Variants in SLC6A2 observed in about 807,000 individuals in gnomAD.
SLC6A2 encodes the protein sodium-dependent noradrenaline transporter.
Under a neutral mutation model 71.7 loss-of-function variants are expected in SLC6A2, and 26 were observed. The ratio of observed to expected loss-of-function variants is 0.36; its 90% confidence interval spans 0.27 to 0.50. The LOEUF (loss-of-function observed/expected upper bound fraction) is 0.50. Ranked by LOEUF, SLC6A2 falls within the 20% of genes least tolerant of loss-of-function variation. SLC6A2 has a pLI of 0.96. For missense variants in SLC6A2, 581 were observed against 803.9 expected (o/e 0.72, Z 3.35); for synonymous variants, 363 against 337.9 (o/e 1.07, Z -0.82).
intron 2 of SLC6A2, among the ~76,000 whole-genome samples, 165 bp from the exon 3 acceptor site, chr16:55,669,400 C>T (rs1236732379): frequency 1.3e-5 from 2 of 152,164 alleles, no homozygotes; most frequent in African/African-American, 4.8e-5. Context: ...ATTACTACCA[C>T]AAATATTCTT....
intron 4 of SLC6A2, among the ~76,000 whole-genome samples, chr16:55,676,995 A>AT (rs1965109060): frequency 6.6e-6 from 1 of 152,208 alleles, no homozygotes; most frequent in Non-Finnish European, 1.5e-5. Flanking sequence ...GGGTACAACC[A>AT]GGGCATAGAA....
At position 55,682,985 on chromosome 16, in the gene SLC6A2, C is replaced by T. The variant is rs532367665; in HGVS notation, c.645-2158C>T. Among the ~76,000 whole-genome samples the T allele has an allele frequency of 2.6e-5, 4 of 152,288 alleles. No homozygotes were observed. The South Asian group carries it at 6.2e-4, about 24-fold the overall frequency. Reference sequence around the variant, plus strand: ...TGCACGAGCAGTTCCTGTGTGTGTCCGAGGCCCAGATGGGCTGGCTCACAG... The same window carrying T: ...TGCACGAGCAGTTCCTGTGTGTGTCTGAGGCCCAGATGGGCTGGCTCACAG... On this transcript the variant is annotated intron_variant, in intron 4 of 14. Transcript: ENST00000568943.
In SLC6A2 at chr16:55,702,489, T is replaced by G; in HGVS notation, c.*143T>G. The G allele has an allele frequency of 6.4e-7, 1 of 1,551,226 alleles. No individual in the cohort carries two copies. The highest frequency in any genetic ancestry group is 8.7e-7 in the Non-Finnish European group (1 of 1,146,104). ...CCTCTCTTCTTTTCCCATTTACAAA[T>G]GATTTCGTGACTGTAGTTTTTGTTC... On this transcript the variant is annotated 3_prime_UTR_variant, in exon 15 of 15. Coordinates refer to ENST00000568943, the MANE Select transcript of SLC6A2 (RefSeq NM_001172501.3).
intron 2 of SLC6A2, among the ~76,000 whole-genome samples, chr16:55,667,446 C>T (rs1490876592): frequency 1.3e-5 from 2 of 152,188 alleles, no homozygotes; most frequent in Admixed American, 1.3e-4. Flanking sequence ...AACTTGTGTG[C>T]AGCTTGGCAT....
Position 55,656,753 on chromosome 16 carries a change from G to T in SLC6A2, c.59G>T (p.Gly20Val). Reference sequence around the variant, plus strand: ...CCCGAGAACAACGGGGCGGACACGGGTCCAGAGCAGCCCCTTCGGGCGCGC... The same window carrying T: ...CCCGAGAACAACGGGGCGGACACGGTTCCAGAGCAGCCCCTTCGGGCGCGC... ...VQPENNGADT[G>V]PEQPLRARKT... The change falls in exon 2 of 15, where the codon GGT becomes GTT. Residue 20 changes from glycine to valine, a missense_variant. This residue lies in a region of SLC6A2 where 76 missense variants were observed against 79.9 expected (regional missense o/e 0.95). Transcript: ENST00000568943. The surrounding 1 kb of genome is among the most constrained non-coding windows in gnomAD (Gnocchi z 4.5). The T allele has an allele frequency of 1.2e-6, 2 of 1,613,136 alleles. No homozygotes were observed. Among genetic ancestry groups the T allele is most frequent in the South Asian group, 2.2e-5 (2 of 91,054 alleles).
chr16:55,692,069 C>A lies in SLC6A2; in HGVS notation c.918+17C>A, dbSNP rs773466798. ...GAGGCCACGGTCAGTGCTCAGTGAC[C>A]ACCAAGCCTTGGGCCAGGCTTGTGG... On this transcript the variant is annotated intron_variant, in intron 6 of 14. Transcript: ENST00000568943. 1 of 1,614,094 alleles carries A rather than the reference C, an allele frequency of 6.2e-7. No homozygotes were observed. Among genetic ancestry groups the A allele is most frequent in the Non-Finnish European group, 8.5e-7 (1 of 1,179,988 alleles).
chr16:55,698,422 AC>A, intron 10 of SLC6A2, 46 bp from the exon 11 acceptor site: 9 of 1,322,312 alleles, frequency 6.8e-6, no homozygotes, highest in Non-Finnish European at 9.9e-6. Flanking sequence ...ATCAGTTCCC[AC>A]GTTTGACCAA....
At chr16:55,686,785 G>A (rs1384902524) in intron 5 of SLC6A2, among the ~76,000 whole-genome samples, 1 of 152,176 alleles carries the variant, frequency 6.6e-6, no homozygotes, top group African/African-American at 2.4e-5. Context: ...CAAACAAAAT[G>A]CAGACCAGGG....
intron 3 of SLC6A2, among the ~76,000 whole-genome samples, chr16:55,671,235 C>T (rs532550954): frequency 6.6e-6 from 1 of 152,318 alleles, no homozygotes; most frequent in Non-Finnish European, 1.5e-5. Flanking sequence ...CCACTCTGGG[C>T]AGGGAGCTCA....
chr16:55,689,027 A>G (rs1177014858), intron 5 of SLC6A2, among the ~76,000 whole-genome samples: 4 of 152,164 alleles, frequency 2.6e-5, no homozygotes, highest in African/African-American at 7.2e-5. Flanking sequence ...GCCAAGACCA[A>G]TGGGCTGCTC....
At chr16:55,699,457 C>G in intron 11 of SLC6A2, 97 bp from the exon 12 acceptor site, 1 of 917,694 alleles carries the variant, frequency 1.1e-6, no homozygotes, top group Admixed American at 1.7e-5. Flanking sequence ...TCTTGCCTCA[C>G]TGCCCTGCTC....
intron 4 of SLC6A2, 68 bp from the exon 5 acceptor site, chr16:55,685,075 G>A: frequency 6.6e-7 from 1 of 1,513,422 alleles, no homozygotes; most frequent in Non-Finnish European, 9.2e-7. Context: ...GGACTGGTCT[G>A]TGGTCACGGC....
rs1965870334 is a variant in SLC6A2, at chr16:55,698,516, C to T, written c.1437C>T (p.Thr479=). The change falls in exon 11 of 15, where the codon ACC becomes ACT. Residue 479 remains threonine (T), a synonymous_variant. Transcript: ENST00000568943. ...TCCTGGACACCTTTGCTGCGGGCAC[C>T]TCCATCCTTTTTGCTGTCCTCATGG... The part of the protein sequence containing the change: ...LTLLDTFAAG[T]SILFAVLMEA... 6.2e-7 allele frequency: 1 copy of T among 1,614,004 alleles called. No individual in the cohort carries two copies. The highest frequency in any genetic ancestry group is 1.3e-5 in the African/African-American group (1 of 74,914).
At chr16:55,687,769 G>A (rs1965500372) in intron 5 of SLC6A2, among the ~76,000 whole-genome samples, 1 of 152,232 alleles carries the variant, frequency 6.6e-6, no homozygotes, top group Non-Finnish European at 1.5e-5. Context: ...TCACCAAAGA[G>A]GGTAGAGCCT....
chr16:55,685,315 G>T, intron 5 of SLC6A2, 34 bp downstream of exon 5: 1 of 1,606,476 alleles, frequency 6.2e-7, no homozygotes, highest in Non-Finnish European at 8.5e-7. Context: ...CACTTACTTG[G>T]GTGATCAACC....
intron 4 of SLC6A2, among the ~76,000 whole-genome samples, chr16:55,680,940 T>C (rs1965251732): frequency 6.6e-6 from 1 of 152,100 alleles, no homozygotes; most frequent in African/African-American, 2.4e-5. Flanking sequence ...TAGACCTTGA[T>C]GACCCACCCA....
At chr16:55,691,103 G>A (rs187388564) in intron 5 of SLC6A2, among the ~76,000 whole-genome samples, 46 of 151,250 alleles carry the variant, frequency 3.0e-4, no homozygotes, top group Non-Finnish European at 4.3e-4. Flanking sequence ...CTTAAAGGGG[G>A]GTAAAGAAAA....
chr16:55,700,240 C>G lies in SLC6A2; in HGVS notation c.1692C>G (p.Ser564=). The G allele has an allele frequency of 6.2e-7, 1 of 1,614,118 alleles. No individual in the cohort carries two copies. The highest frequency in any genetic ancestry group is 1.3e-5 in the African/African-American group (1 of 75,032). ...GGGTGGGGTGGGGCATCGCCCTGTC[C>G]TCCATGGTCCTGGTGCCCATCTACG... ...ANWVGWGIAL[S]SMVLVPIYVI... Residue 564 remains serine (S), a synonymous_variant, in exon 13 of 15, where the codon TCC becomes TCG. Transcript: ENST00000568943.
chr16:55,679,176 C>T (rs36020), intron 4 of SLC6A2, among the ~76,000 whole-genome samples: 17,255 of 151,980 alleles, frequency 0.11, 1,082 homozygotes, highest in Middle Eastern at 0.19. Context: ...CAGGAAGAAG[C>T]GGAATTAAGC....
Sources: allele counts gnomAD v4.1 joint callset (sites outside exome capture counted in the v4.1 genomes callset), GRCh38; gene constraint gnomAD v4.1.1; regional missense constraint gnomAD v4.1.1; non-coding constraint Gnocchi (gnomAD v3.1); transcripts MANE v1.5; gene names NCBI Gene and HGNC (gene_info 2026-07-23, HGNC 2026-07-21).